The following DIAPH3 variants were observed in gnomAD, a reference collection of about 807,000 sequenced individuals.
DIAPH3 encodes the protein diaphanous related formin 3.
A neutral mutation model predicts 144.3 loss-of-function variants in DIAPH3; 117 were observed. That is an observed-to-expected ratio of 0.81 (90% CI 0.70 to 0.95). The LOEUF (loss-of-function observed/expected upper bound fraction) is 0.95. Among genes scored for constraint, DIAPH3 ranks in the 40% least tolerant of loss-of-function variants. DIAPH3 has a pLI of 0.00. For missense variants in DIAPH3, 1,421 were observed against 1,412.7 expected (o/e 1.01, Z -0.09); for synonymous variants, 519 against 488.9 (o/e 1.06, Z -0.81).
At chr13:60,093,820 G>C in intron 3 of DIAPH3, 88 bp from the exon 4 acceptor site, 1 of 858,190 alleles carries the variant, frequency 1.2e-6, no homozygotes, top group Non-Finnish European at 2.0e-6. Context: ...TCAATAATTT[G>C]TGACTAAAGC....
At chr13:59,834,212 T>C (rs1273070309) in intron 23 of DIAPH3, among the ~76,000 whole-genome samples, 2 of 151,722 alleles carry the variant, frequency 1.3e-5, no homozygotes, top group African/African-American at 4.8e-5. Context: ...TGTGGCAAAT[T>C]GCTAATGCAG....
intron 2 of DIAPH3, among the ~76,000 whole-genome samples, chr13:60,115,076 C>A (rs540341221): frequency 6.6e-6 from 1 of 152,196 alleles, no homozygotes; most frequent in South Asian, 2.1e-4. Context: ...AAAAGAAAAT[C>A]TTATTAAAAT....
chr13:59,911,594 C>G, intron 20 of DIAPH3, 141 bp downstream of exon 20: 1 of 685,442 alleles, frequency 1.5e-6, no homozygotes, highest in Admixed American at 2.4e-5. Context: ...ACATGAATAT[C>G]CTTAAGTTAA....
At chr13:60,089,924 A>G (rs2057875823) in intron 4 of DIAPH3, among the ~76,000 whole-genome samples, 1 of 152,234 alleles carries the variant, frequency 6.6e-6, no homozygotes, top group African/African-American at 2.4e-5. Flanking sequence ...ATGGTATATC[A>G]GGACTCTTTA....
chr13:59,801,904 G>T (rs1390144735), intron 25 of DIAPH3, among the ~76,000 whole-genome samples: 1 of 152,074 alleles, frequency 6.6e-6, no homozygotes, highest in Non-Finnish European at 1.5e-5. Context: ...AATTTCCCCA[G>T]TCTGCCCTAG....
At chr13:59,764,609 C>T (rs1031361892) in intron 27 of DIAPH3, among the ~76,000 whole-genome samples, 7 of 148,974 alleles carry the variant, frequency 4.7e-5, no homozygotes, top group African/African-American at 1.7e-4. Flanking sequence ...GTTGAGTCCT[C>T]ATCCAATGAC....
intron 22 of DIAPH3, among the ~76,000 whole-genome samples, chr13:59,851,595 G>A (rs977241431): frequency 2.0e-5 from 3 of 150,348 alleles, no homozygotes; most frequent in African/African-American, 4.9e-5. Context: ...AATGGATGAG[G>A]TATTCAGTAA....
At chr13:59,724,030 T>G (rs2035489647) in intron 27 of DIAPH3, among the ~76,000 whole-genome samples, 1 of 150,910 alleles carries the variant, frequency 6.6e-6, no homozygotes, top group Admixed American at 6.6e-5. Context: ...GATAAAGGGA[T>G]AGTTCTCTAT....
intron 25 of DIAPH3, among the ~76,000 whole-genome samples, chr13:59,810,111 C>A: frequency 6.6e-6 from 1 of 151,872 alleles, no homozygotes; most frequent in East Asian, 1.9e-4. Flanking sequence ...ACAATTTTGT[C>A]ATGTTTACAA....
chr13:59,700,193 G>C (rs531594245), intron 27 of DIAPH3, among the ~76,000 whole-genome samples: 2 of 152,288 alleles, frequency 1.3e-5, no homozygotes, highest in South Asian at 2.1e-4. Flanking sequence ...GGGGAGGAAA[G>C]AGCAATTCTA....
chr13:59,963,303 T>C (rs2049866867), intron 17 of DIAPH3, among the ~76,000 whole-genome samples: 1 of 152,112 alleles, frequency 6.6e-6, no homozygotes, highest in Non-Finnish European at 1.5e-5. Flanking sequence ...GAATGCATAA[T>C]CACCTAAAAA....
At chr13:59,946,795 C>T (rs1263049097) in intron 17 of DIAPH3, among the ~76,000 whole-genome samples, 1 of 151,868 alleles carries the variant, frequency 6.6e-6, no homozygotes, top group Non-Finnish European at 1.5e-5. Flanking sequence ...CACTGCCAGG[C>T]ACAACTTTAA....
chr13:59,998,502 A>G (rs1489658620), intron 9 of DIAPH3, among the ~76,000 whole-genome samples: 2 of 152,128 alleles, frequency 1.3e-5, no homozygotes, highest in Non-Finnish European at 2.9e-5. Context: ...GAAACTTTTT[A>G]GTTACCTTCA....
At chr13:59,745,892 G>C (rs1348693590) in intron 27 of DIAPH3, among the ~76,000 whole-genome samples, 5 of 152,112 alleles carry the variant, frequency 3.3e-5, no homozygotes, top group African/African-American at 1.2e-4. Context: ...CACTAATATT[G>C]AAAATATGTT....
intron 17 of DIAPH3, among the ~76,000 whole-genome samples, chr13:59,958,519 TGA>T (rs1183601901): frequency 6.6e-6 from 1 of 152,112 alleles, no homozygotes; most frequent in African/African-American, 2.4e-5. Flanking sequence ...TAAATAGTAG[TGA>T]GAGTCACAAA....
chr13:59,958,907 C>T (rs1027202125), intron 17 of DIAPH3, among the ~76,000 whole-genome samples: 9 of 136,960 alleles, frequency 6.6e-5, no homozygotes, highest in African/African-American at 1.1e-4. Context: ...TAGAGTCTCG[C>T]TCCTGTTGCC....
chr13:59,971,013 G>A lies in DIAPH3; in HGVS notation c.1798C>T (p.Pro600Ser). The A allele has an allele frequency of 6.2e-7, 1 of 1,605,592 alleles. No individual in the cohort carries two copies. The highest frequency in any genetic ancestry group is 1.3e-5 in the African/African-American group (1 of 74,812). Residue 600 changes from proline (P) to serine (S), a missense_variant, in exon 16 of 28, where the codon CCA becomes TCA. Transcript: ENST00000400324. ...PPPPPPPPPLPGMRMPFSGPV... is the reference protein window; with the variant it reads ...PPPPPPPPPLSGMRMPFSGPV... The stretch of plus-strand genomic sequence containing the variant: ...CCACTGAATGGCATCCGCATTCCTG[G>A]AAGTGGAGGAGGTGGTGGGGGAGGA...
rs148195047 is a variant in DIAPH3, at chr13:60,155,063, G to T, written c.180+8524C>A. ...TTCTAGGACACAGCAATAAAGTTAC[G>T]CCATAAAGTAGAGTTAATTCAAGAC... On this transcript the variant is annotated intron_variant, in intron 1 of 27. Transcript: ENST00000400324. 3.5e-3 allele frequency among the ~76,000 whole-genome samples: 534 copies of T among 152,198 alleles called. 4 individuals carry two copies. The highest frequency in any genetic ancestry group is 0.012 in the African/African-American group (518 of 41,544).
chr13:60,145,419 G>A (rs927641208), intron 1 of DIAPH3, among the ~76,000 whole-genome samples: 16 of 152,146 alleles, frequency 1.1e-4, no homozygotes, highest in Admixed American at 9.2e-4. Flanking sequence ...AGGCTGAGGC[G>A]GGTGGATCAC....
Sources: gnomAD v4.1 joint callset for allele counts (sites outside exome capture counted in the v4.1 genomes callset) on GRCh38, gnomAD v4.1.1 for gene constraint, MANE v1.5 for transcripts, NCBI Gene and HGNC (gene_info 2026-07-23, HGNC 2026-07-21) for gene names.